The following SYT9 variants were observed in gnomAD, a reference collection of about 807,000 sequenced individuals.
SYT9 encodes synaptotagmin-9.
In SYT9, 22 loss-of-function variants were observed where a neutral mutation model predicts 48.4. That is an observed-to-expected ratio of 0.45 (90% CI 0.32 to 0.65). SYT9 has a LOEUF of 0.65. Ranked by LOEUF, SYT9 falls within the 30% of genes least tolerant of loss-of-function variation. SYT9 has a pLI of 0.03. For missense variants in SYT9, 577 were observed against 622.0 expected (o/e 0.93, Z 0.77); for synonymous variants, 265 against 245.0 (o/e 1.08, Z -0.76).
intron 3 of SYT9, among the ~76,000 whole-genome samples, chr11:7,405,336 A>C (rs891873545): frequency 6.6e-6 from 1 of 152,044 alleles, no homozygotes; most frequent in African/African-American, 2.4e-5. Flanking sequence ...GACGAGCAAA[A>C]ATTCCTCCAG....
chr11:7,437,069 T>A (rs900648323), intron 6 of SYT9, among the ~76,000 whole-genome samples: 1 of 152,230 alleles, frequency 6.6e-6, no homozygotes, highest in African/African-American at 2.4e-5. Context: ...CTGCAGCCAA[T>A]TAAGATTCTG....
At chr11:7,438,352 T>C (rs1182721016) in intron 6 of SYT9, 1 of 152,212 alleles carries the variant, frequency 6.6e-6, no homozygotes, top group African/African-American at 2.4e-5. Flanking sequence ...TCTGCCCTCC[T>C]ATAACAGGCA....
rs920283337 is a variant in SYT9 at position 7,468,197 on chromosome 11, A to G, written c.*1397A>G. On this transcript the variant is annotated 3_prime_UTR_variant, in exon 7 of 7. Transcript: ENST00000318881. Reference sequence around the variant, plus strand: ...TGGATTGTAGTTTACCTTCCTGGAAAGCTCATTATCTCTGTTTGAATTAAC... The same window carrying G: ...TGGATTGTAGTTTACCTTCCTGGAAGGCTCATTATCTCTGTTTGAATTAAC... 6 of 398,434 alleles carry G rather than the reference A, an allele frequency of 1.5e-5. No homozygotes were observed. The highest frequency in any genetic ancestry group is 2.2e-5 in the Non-Finnish European group (5 of 226,000). The allele number at this position is 398,434 out of a possible 1,614,324, so 24.7% of individuals were successfully genotyped here.
chr11:7,256,449 T>C lies in SYT9; in HGVS notation c.145+4118T>C, dbSNP rs1386523138. On this transcript the variant is annotated intron_variant, in intron 1 of 6. Coordinates refer to ENST00000318881, the MANE Select transcript of SYT9 (RefSeq NM_175733.4). ...CATGGCTAAAAGTGATTGATATATA[T>C]GAGTAAACTGAAGTCCAGAGAAGTA... Among the ~76,000 whole-genome samples the C allele has an allele frequency of 3.1e-4, 47 of 152,146 alleles. 1 individual carries two copies.
chr11:7,328,739 G>A (rs1046204764), intron 3 of SYT9, among the ~76,000 whole-genome samples: 16 of 151,998 alleles, frequency 1.1e-4, no homozygotes, highest in African/African-American at 3.4e-4. Flanking sequence ...TATTTTTTAT[G>A]TTTAGTACAT....
chr11:7,422,872 T>G (rs1017710229), intron 6 of SYT9, among the ~76,000 whole-genome samples: 1 of 152,190 alleles, frequency 6.6e-6, no homozygotes, highest in African/African-American at 2.4e-5. Flanking sequence ...TTTCCTTCAC[T>G]GTGGAGAAAA....
intron 3 of SYT9, among the ~76,000 whole-genome samples, chr11:7,381,677 A>T (rs1457599977): frequency 6.6e-6 from 1 of 152,146 alleles, no homozygotes; most frequent in Non-Finnish European, 1.5e-5. Context: ...AATGTGAAAG[A>T]CTCAAATCCC....
At chr11:7,241,873 T>A (rs532799493) in intron 1 of SYT9, among the ~76,000 whole-genome samples, 2 of 152,216 alleles carry the variant, frequency 1.3e-5, no homozygotes, top group African/African-American at 4.8e-5. Flanking sequence ...GGAGACATAT[T>A]GTATGGTGGT....
chr11:7,268,602 A>T (rs1160856639), intron 1 of SYT9, among the ~76,000 whole-genome samples: 2 of 152,010 alleles, frequency 1.3e-5, no homozygotes, highest in African/African-American at 4.8e-5. Context: ...CTAGTATTAC[A>T]GTAATAGGTT....
At chr11:7,420,385 AAAACAAAC>A (rs200173591) in intron 5 of SYT9, 113 bp from the exon 6 acceptor site, 13 of 1,333,304 alleles carry the variant, frequency 9.8e-6, no homozygotes, top group South Asian at 2.8e-5. Flanking sequence ...AGGAAATGAA[AAAACAAAC>A]AAACAAACAA....
At position 7,252,500 on chromosome 11, in the gene SYT9, C is replaced by G. The variant is rs1847891340; in HGVS notation, c.145+169C>G. Among the ~76,000 whole-genome samples, 2 of 152,102 alleles carry G rather than the reference C, an allele frequency of 1.3e-5. No homozygotes were observed. The highest frequency in any genetic ancestry group is 2.4e-5 in the African/African-American group (1 of 41,418). On this transcript the variant is annotated intron_variant, in intron 1 of 6. Transcript: ENST00000318881. This position sits in a 1 kb window ranked among gnomAD's most constrained non-coding sequence, Gnocchi z 6.3. Reference sequence around the variant, plus strand: ...GCGCACTGTGGCCTGATGCTGTAACCAGGCGGGGACCCGGGCGGTGGCTAC... The same window carrying G: ...GCGCACTGTGGCCTGATGCTGTAACGAGGCGGGGACCCGGGCGGTGGCTAC...
chr11:7,453,139 C>A (rs1024935599), intron 6 of SYT9, among the ~76,000 whole-genome samples: 10 of 152,024 alleles, frequency 6.6e-5, no homozygotes, highest in African/African-American at 2.4e-4. Flanking sequence ...GCCTGTAATC[C>A]CAGCACTTTG....
intron 3 of SYT9, among the ~76,000 whole-genome samples, chr11:7,318,643 A>T (rs921167490): frequency 2.6e-5 from 4 of 152,182 alleles, no homozygotes; most frequent in Non-Finnish European, 5.9e-5. Flanking sequence ...GGATATATTC[A>T]TATTAAGAAT....
upstream of SYT9, among the ~76,000 whole-genome samples, chr11:7,249,115 C>T (rs181295850): frequency 1.3e-5 from 2 of 152,272 alleles, no homozygotes; most frequent in Admixed American, 1.3e-4. Context: ...CTCATTTACT[C>T]TTAATTAAGT....
chr11:7,325,921 A>G (rs1849424760), intron 3 of SYT9, among the ~76,000 whole-genome samples: 1 of 80,980 alleles, frequency 1.2e-5, no homozygotes, highest in Non-Finnish European at 2.3e-5. Flanking sequence ...ACATTTATTG[A>G]TTTGTGTATA....
At chr11:7,260,375 A>G (rs1848056505) in intron 1 of SYT9, among the ~76,000 whole-genome samples, 1 of 152,198 alleles carries the variant, frequency 6.6e-6, no homozygotes, top group Non-Finnish European at 1.5e-5. Flanking sequence ...AGAGCATTCT[A>G]GGAATTTACA....
chr11:7,360,702 CCT>C (rs1241931276), intron 3 of SYT9, among the ~76,000 whole-genome samples: 1 of 152,052 alleles, frequency 6.6e-6, no homozygotes, highest in Non-Finnish European at 1.5e-5. Flanking sequence ...CTATAATTTT[CCT>C]CTCTCCTACT....
At chr11:7,267,090 T>C (rs1384801285) in intron 1 of SYT9, among the ~76,000 whole-genome samples, 1 of 152,086 alleles carries the variant, frequency 6.6e-6, no homozygotes, top group Admixed American at 6.6e-5. Flanking sequence ...TTTAGGTTCA[T>C]AAATAGTACA....
chr11:7,429,875 A>C (rs1847533298), intron 6 of SYT9, among the ~76,000 whole-genome samples: 1 of 152,254 alleles, frequency 6.6e-6, no homozygotes, highest in South Asian at 2.1e-4. Flanking sequence ...AATATTATAT[A>C]AGGTTAAGAA....
Sources: allele counts gnomAD v4.1 joint callset (sites outside exome capture counted in the v4.1 genomes callset), GRCh38; gene constraint gnomAD v4.1.1; non-coding constraint Gnocchi (gnomAD v3.1); transcripts MANE v1.5; gene names NCBI Gene and HGNC (gene_info 2026-07-23, HGNC 2026-07-21).